Variants in MYBPHL observed in about 807,000 individuals in gnomAD.
MYBPHL encodes myosin-binding protein H-like.
MYBPHL carries 32 observed loss-of-function variants against 39.5 expected under a neutral mutation model. The ratio of observed to expected loss-of-function variants is 0.81; its 90% confidence interval spans 0.61 to 1.09. The LOEUF (loss-of-function observed/expected upper bound fraction) is 1.09, where lower values mean the gene tolerates loss of function less well. Ranked by LOEUF, MYBPHL falls within the 50% of genes least tolerant of loss-of-function variation. The pLI is 0.00. For missense variants in MYBPHL, 456 were observed against 460.2 expected (o/e 0.99, Z 0.08); for synonymous variants, 196 against 183.7 (o/e 1.07, Z -0.54).
chr1:109,294,734 C>T (rs977243089), intron 7 of MYBPHL, among the ~76,000 whole-genome samples: 4 of 152,058 alleles, frequency 2.6e-5, no homozygotes, highest in African/African-American at 7.3e-5. Flanking sequence ...TAGGCTGAGT[C>T]AGAAGATTGC....
At position 109,297,570 on chromosome 1, in the gene MYBPHL, C is replaced by A. The variant is rs777645184; in HGVS notation, c.282G>T (p.Leu94Phe). The A allele has an allele frequency of 8.1e-6, 13 of 1,613,864 alleles. No homozygotes were observed. The highest frequency in any genetic ancestry group is 1.1e-5 in the Non-Finnish European group (13 of 1,180,022). Residue 94 changes from leucine (L) to phenylalanine (F), a missense_variant, in exon 3 of 9, where the codon TTG (leucine) becomes TTT (phenylalanine). By Grantham distance (22) the Leu-to-Phe change is conservative. Transcript: ENST00000357155. The part of the protein sequence containing the change: ...QAIWTHDGCA[L>F]DTRRVSVRNG... The stretch of plus-strand genomic sequence containing the variant: ...TCCGCACACTCACACGCCTGGTGTC[C>A]AAGGCACAGCCATCATGTGTCCAGA...
intron 6 of MYBPHL, 92 bp from the exon 7 acceptor site, chr1:109,295,389 A>G: frequency 8.2e-7 from 1 of 1,215,216 alleles, no homozygotes; most frequent in Non-Finnish European, 1.1e-6. Context: ...CTGTCTATAT[A>G]GAGATAATGG....
Position 109,296,292 on chromosome 1 carries a change from CA to C in MYBPHL, c.808del (p.Cys270AlafsTer26). The C allele has an allele frequency of 6.2e-7, 1 of 1,614,102 alleles. No homozygotes were observed. Among genetic ancestry groups the C allele is most frequent in the South Asian group, 1.1e-5 (1 of 91,062 alleles). On this transcript the variant is annotated frameshift_variant, in exon 6 of 9. Transcript: ENST00000357155. LOFTEE classifies it high-confidence loss of function. ...APKFTQPLAD[C>X]TTVTGYNTQL... ...GGTATTATAGCCGGTGACTGTAGTG[CA>C]GTCGGCCAGAGGCTGGGTAAACTTT...
chr1:109,292,792 C>A (rs1298106044), intron 8 of MYBPHL: 1 of 152,222 alleles, frequency 6.6e-6, no homozygotes, highest in Non-Finnish European at 1.5e-5. Flanking sequence ...GGATCAAATT[C>A]ATTTCCAATT....
At chr1:109,304,912 T>G (rs535879470) in intron 1 of MYBPHL, among the ~76,000 whole-genome samples, 3 of 152,378 alleles carry the variant, frequency 2.0e-5, no homozygotes, top group Non-Finnish European at 2.9e-5. Context: ...ATGCCTGCTC[T>G]AGTTCCCATG....
Position 109,297,483 on chromosome 1 carries a change from G to A in MYBPHL, c.369C>T (p.Tyr123=), listed in dbSNP as rs374848112. 3.7e-6 allele frequency: 6 copies of A among 1,613,566 alleles called. No individual in the cohort carries two copies. The highest frequency in any genetic ancestry group is 1.3e-5 in the African/African-American group (1 of 75,026). ...GCCCACCCAGCTGCACGCGGAGTTG[G>A]TAGCGACCTGAGTCAGCACGTTGGG... ...REAQRADSGR[Y]QLRVQLGGLE... is the part of the protein sequence containing the mutation. Residue 123 remains tyrosine, a synonymous_variant, in exon 3 of 9, where the codon TAC becomes TAT. Coordinates refer to ENST00000357155, the MANE Select transcript of MYBPHL (RefSeq NM_001010985.3).
rs35267391 is a variant in MYBPHL, at chr1:109,295,593, G to A, written c.868-296C>T. On this transcript the variant is annotated intron_variant, in intron 6 of 8. Transcript: ENST00000357155. ...CAGGCAGCCCCTTTATGGATCAGAA[G>A]CACTGAGCATCAGGCTCACCTCTTG... Among the ~76,000 whole-genome samples the A allele has an allele frequency of 9.5e-3, 1,453 of 152,336 alleles. 8 individuals carry two copies. Among genetic ancestry groups the A allele is most frequent in the Middle Eastern group, 0.02 (6 of 294 alleles).
rs147555110 is a variant in MYBPHL at position 109,297,488 on chromosome 1, G to A, written c.364C>T (p.Arg122Cys). Residue 122 changes from arginine to cysteine, a missense_variant, in exon 3 of 9, where the codon CGC (arginine) becomes TGC (cysteine). Physicochemically the swap from Arg to Cys is radical, Grantham distance 180. Transcript: ENST00000357155. ...CCCAGCTGCACGCGGAGTTGGTAGC[G>A]ACCTGAGTCAGCACGTTGGGCTTCT... is the stretch of plus-strand genomic sequence containing the variant. ...IREAQRADSG[R>C]YQLRVQLGGL... 1,161 of 1,613,596 alleles carry A rather than the reference G, an allele frequency of 7.2e-4. 5 individuals carry two copies. In the African/African-American group the frequency reaches 0.012, roughly 17 times the overall value.
chr1:109,303,815 G>A (rs1317239362), intron 1 of MYBPHL, among the ~76,000 whole-genome samples: 1 of 152,126 alleles, frequency 6.6e-6, no homozygotes, highest in African/African-American at 2.4e-5. Context: ...CACAGCGGCC[G>A]TGCTACCTCT....
Position 109,297,126 on chromosome 1 carries a change from T to G in MYBPHL, c.494A>C (p.Glu165Ala), listed in dbSNP as rs1461862561. Residue 165 changes from glutamate (E) to alanine (A), a missense_variant, in exon 4 of 9, where the codon GAA (glutamate) becomes GCA (alanine). Glu to Ala is a moderately radical substitution (Grantham distance 107). Transcript: ENST00000357155. ...VDVWGFSATL[E>A]WTPPQDTGNT... Reference sequence around the variant, plus strand: ...CCCCGTATCTTGGGGCGGTGTCCATTCCAGTGTAGCGCTGAAGCCCCAAAC... The same window carrying G: ...CCCCGTATCTTGGGGCGGTGTCCATGCCAGTGTAGCGCTGAAGCCCCAAAC... The G allele has an allele frequency of 6.2e-7, 1 of 1,614,050 alleles. No homozygotes were observed. Among genetic ancestry groups the G allele is most frequent in the Non-Finnish European group, 8.5e-7 (1 of 1,180,050 alleles).
chr1:109,300,788 G>A (rs1462428151), intron 1 of MYBPHL, among the ~76,000 whole-genome samples: 1 of 152,000 alleles, frequency 6.6e-6, no homozygotes, highest in Non-Finnish European at 1.5e-5. Context: ...CTGCCCGCGA[G>A]GACGGCAGTC....
intron 2 of MYBPHL, among the ~76,000 whole-genome samples, chr1:109,297,936 AC>A (rs1658143639): frequency 1.3e-5 from 2 of 152,188 alleles, no homozygotes; most frequent in Admixed American, 6.5e-5. Flanking sequence ...GCTTCTGTAG[AC>A]TGAAGGGCAT....
rs140686948 is a variant in MYBPHL at position 109,297,104 on chromosome 1, C to T, written c.516G>A (p.Thr172=). The T allele has an allele frequency of 2.2e-4, 356 of 1,614,166 alleles. No homozygotes were observed. Among genetic ancestry groups the T allele is most frequent in the African/African-American group, 1.6e-3 (120 of 75,032 alleles). Residue 172 remains threonine (T), a synonymous_variant, in exon 4 of 9, where the codon ACG becomes ACA. Transcript: ENST00000357155. ...ATLEWTPPQD[T]GNTALLGYTV... is the part of the protein sequence containing the mutation. ...TGTATCCCAGAAGTGCTGTATTCCC[C>T]GTATCTTGGGGCGGTGTCCATTCCA...
chr1:109,296,778 C>T lies in MYBPHL; in HGVS notation c.730+5G>A, dbSNP rs55660224. ...CCCAGCTCATGATCCCCATGCCTCCCTTACCTGCTTTCTGGATGTGGGCGA... is the reference window on the plus strand; with the variant it reads ...CCCAGCTCATGATCCCCATGCCTCCTTTACCTGCTTTCTGGATGTGGGCGA... On this transcript the variant is annotated splice_donor_5th_base_variant and intron_variant, in intron 5 of 8. Coordinates refer to ENST00000357155, the MANE Select transcript of MYBPHL (RefSeq NM_001010985.3). 0.076 allele frequency: 122,488 copies of T among 1,614,012 alleles called. 5,180 individuals carry two copies. Among genetic ancestry groups the T allele is most frequent in the African/African-American group, 0.095 (7,155 of 75,002 alleles).
At chr1:109,295,045 C>G in intron 7 of MYBPHL, 66 bp downstream of exon 7, 1 of 1,554,090 alleles carries the variant, frequency 6.4e-7, no homozygotes, top group Non-Finnish European at 8.8e-7. Context: ...TGTTCCCTGA[C>G]TCTTCCACCG....
intron 5 of MYBPHL, 152 bp downstream of exon 5, chr1:109,296,631 G>A (rs929691941): frequency 7.4e-6 from 7 of 944,430 alleles, no homozygotes; most frequent in Non-Finnish European, 1.1e-5. Context: ...TAGAGATGAG[G>A]TTTCACCATG....
intron 7 of MYBPHL, 107 bp from the exon 8 acceptor site, chr1:109,294,356 A>G (rs1657978798): frequency 3.9e-6 from 4 of 1,021,072 alleles, no homozygotes; most frequent in Non-Finnish European, 1.5e-6. Context: ...TTGGGGAGTC[A>G]ATGGTGCTAA....
At chr1:109,295,037 T>G in intron 7 of MYBPHL, 74 bp downstream of exon 7, 1 of 1,520,338 alleles carries the variant, frequency 6.6e-7, no homozygotes, top group Non-Finnish European at 9.0e-7. Flanking sequence ...TGCGTCTCTG[T>G]TCCCTGACTC....
At chr1:109,294,175 C>G in intron 8 of MYBPHL, 31 bp downstream of exon 8, 2 of 1,385,848 alleles carry the variant, frequency 1.4e-6, no homozygotes, top group Non-Finnish European at 2.1e-6. Context: ...AGGAAGTAAT[C>G]CAGTGAGACA....
Sources: gnomAD v4.1 joint callset for allele counts (sites outside exome capture counted in the v4.1 genomes callset) on GRCh38, gnomAD v4.1.1 for gene constraint, MANE v1.5 for transcripts, NCBI Gene and HGNC (gene_info 2026-07-23, HGNC 2026-07-21) for gene names.